PLEKHH2: variants seen among roughly 807,000 people sequenced by gnomAD.
PLEKHH2 encodes the protein pleckstrin homology, MyTH4 and FERM domain containing H2, also known as pleckstrin homology domain-containing family H member 2.
PLEKHH2 carries 129 observed loss-of-function variants against 187.9 expected under a neutral mutation model. The observed-to-expected ratio is 0.69, with a 90% CI of 0.59 to 0.79. The LOEUF is 0.79. Among genes scored for constraint, PLEKHH2 ranks in the 30% least tolerant of loss-of-function variants. PLEKHH2 has a pLI of 0.00. For missense variants in PLEKHH2, 2,076 were observed against 1,751.2 expected (o/e 1.19, Z -3.31); for synonymous variants, 686 against 605.6 (o/e 1.13, Z -1.95).
At chr2:43,728,737 T>A (rs1448428424) in intron 17 of PLEKHH2, among the ~76,000 whole-genome samples, 1 of 151,720 alleles carries the variant, frequency 6.6e-6, no homozygotes, top group East Asian at 2.0e-4. Context: ...AATTTTTGTA[T>A]TTTTAGTAGA....
At chr2:43,694,716 G>C (rs1378110509) in intron 5 of PLEKHH2, among the ~76,000 whole-genome samples, 2 of 152,136 alleles carry the variant, frequency 1.3e-5, no homozygotes, top group Non-Finnish European at 2.9e-5. Flanking sequence ...ATAGACTCAT[G>C]AGGATCAGTG....
intron 3 of PLEKHH2, among the ~76,000 whole-genome samples, chr2:43,684,430 T>A (rs1193439478): frequency 6.6e-6 from 1 of 152,206 alleles, no homozygotes; most frequent in East Asian, 1.9e-4. Flanking sequence ...TGTTTTGCCT[T>A]AATTTAAAAT....
chr2:43,704,646 G>A (rs1669557648), intron 9 of PLEKHH2, among the ~76,000 whole-genome samples: 1 of 113,020 alleles, frequency 8.8e-6, no homozygotes, highest in Non-Finnish European at 1.7e-5. Flanking sequence ...CTGGGTGACA[G>A]AGCAAGATTC....
At chr2:43,672,600 T>G (rs1317548789) in intron 2 of PLEKHH2, among the ~76,000 whole-genome samples, 2 of 152,198 alleles carry the variant, frequency 1.3e-5, no homozygotes, top group Non-Finnish European at 2.9e-5. Context: ...ATTTGAACCC[T>G]TTTTCTATGT....
At chr2:43,657,814 A>G (rs1009697955) in intron 2 of PLEKHH2, among the ~76,000 whole-genome samples, 1 of 152,204 alleles carries the variant, frequency 6.6e-6, no homozygotes, top group African/African-American at 2.4e-5. Flanking sequence ...TGCAGCATTG[A>G]TAGATACCGG....
intron 2 of PLEKHH2, chr2:43,675,509 C>T (rs993033534): frequency 6.2e-7 from 1 of 1,613,890 alleles, no homozygotes; most frequent in African/African-American, 1.3e-5. Flanking sequence ...AAAGTAATAG[C>T]CATATCTGAA....
At chr2:43,686,438 C>A (rs923132667) in intron 3 of PLEKHH2, among the ~76,000 whole-genome samples, 1 of 152,204 alleles carries the variant, frequency 6.6e-6, no homozygotes, top group African/African-American at 2.4e-5. Context: ...CTCAGGTGAT[C>A]CCCCTGCCTT....
chr2:43,690,500 C>A (rs1437771062), intron 3 of PLEKHH2, among the ~76,000 whole-genome samples: 3 of 152,164 alleles, frequency 2.0e-5, no homozygotes, highest in Non-Finnish European at 2.9e-5. Context: ...CCAAACCAAC[C>A]TTTATACCTT....
At chr2:43,744,994 G>C (rs975607755) in intron 23 of PLEKHH2, among the ~76,000 whole-genome samples, 2 of 151,920 alleles carry the variant, frequency 1.3e-5, no homozygotes, top group African/African-American at 4.8e-5. Context: ...CTTTAATAGA[G>C]CTTCCATTTA....
intron 1 of PLEKHH2, among the ~76,000 whole-genome samples, chr2:43,642,030 A>G (rs1249711476): frequency 6.6e-6 from 1 of 152,208 alleles, no homozygotes; most frequent in African/African-American, 2.4e-5. Context: ...TGCAACTTTG[A>G]TAGAGATTGC....
intron 2 of PLEKHH2, chr2:43,659,008 T>C (rs1300249047): frequency 6.8e-6 from 1 of 146,964 alleles, no homozygotes; most frequent in Non-Finnish European, 1.5e-5. Flanking sequence ...AGTCTCACTC[T>C]GTTGCCTAGG....
Position 43,757,302 on chromosome 2 carries a change from A to G in PLEKHH2, c.3941+38A>G, listed in dbSNP as rs529845402. On this transcript the variant is annotated intron_variant, in intron 26 of 29. Transcript: ENST00000282406. ...TTGTAACTCTTTATAGGGTAGGGTC[A>G]TACTAGTTTTTTGGTAATATTTTTG... is the stretch of plus-strand genomic sequence containing the variant. The G allele has an allele frequency of 1.0e-5, 14 of 1,391,960 alleles. 1 individual carries two copies. In the South Asian group the frequency reaches 1.7e-4, roughly 17 times the overall value. 86.2% of individuals were successfully genotyped at this position (1,391,960 alleles called of 1,614,324 possible).
chr2:43,699,181 T>C (rs1439381078), intron 7 of PLEKHH2, among the ~76,000 whole-genome samples: 2 of 151,226 alleles, frequency 1.3e-5, no homozygotes, highest in Non-Finnish European at 2.9e-5. Flanking sequence ...ATTTTGCTTC[T>C]TTTATTATCT....
intron 11 of PLEKHH2, among the ~76,000 whole-genome samples, chr2:43,708,838 G>C (rs946976771): frequency 1.3e-5 from 2 of 152,124 alleles, no homozygotes; most frequent in Admixed American, 1.3e-4. Flanking sequence ...GACAATCACT[G>C]AGGTCCCTAT....
chr2:43,761,902 T>A (rs76401988), intron 27 of PLEKHH2, among the ~76,000 whole-genome samples: 1,778 of 152,310 alleles, frequency 0.012, 46 homozygotes, highest in African/African-American at 0.041. Context: ...ACACAACTTA[T>A]CAAGCATATC....
At chr2:43,716,877 A>G (rs1670237166) in intron 15 of PLEKHH2, among the ~76,000 whole-genome samples, 1 of 152,214 alleles carries the variant, frequency 6.6e-6, no homozygotes, top group South Asian at 2.1e-4. Context: ...GGCTAATATT[A>G]TTTCCTATAA....
intron 17 of PLEKHH2, among the ~76,000 whole-genome samples, chr2:43,727,746 T>C (rs1670836020): frequency 6.6e-6 from 1 of 152,154 alleles, no homozygotes; most frequent in South Asian, 2.1e-4. Context: ...TGAAGCACTT[T>C]CCTGTGGTCA....
intron 19 of PLEKHH2, 50 bp from the exon 20 acceptor site, chr2:43,738,291 T>C (rs1671394907): frequency 7.0e-7 from 1 of 1,437,770 alleles, no homozygotes; most frequent in Non-Finnish European, 9.5e-7. Context: ...TCATGCAGAA[T>C]AAATCTAATC....
At chr2:43,733,018 A>T (rs148686337) in intron 19 of PLEKHH2, among the ~76,000 whole-genome samples, 4 of 152,176 alleles carry the variant, frequency 2.6e-5, no homozygotes, top group Non-Finnish European at 5.9e-5. Context: ...CTTACCTTCT[A>T]TTTCACTGAG....
Sources: allele counts gnomAD v4.1 joint callset (sites outside exome capture counted in the v4.1 genomes callset), GRCh38; gene constraint gnomAD v4.1.1; transcripts MANE v1.5; gene names NCBI Gene and HGNC (gene_info 2026-07-23, HGNC 2026-07-21).